Variants in USH1C observed in about 807,000 individuals in gnomAD.
USH1C encodes the protein USH1 protein network component harmonin.
In USH1C, 90 loss-of-function variants were observed where a neutral mutation model predicts 119.3. The observed-to-expected ratio is 0.75, with a 90% confidence interval of 0.64 to 0.90. The LOEUF is 0.90. USH1C is among the 40% of genes least tolerant of loss of function. The pLI is 0.00. For synonymous variants in USH1C, 465 were observed against 443.3 expected, an observed-to-expected ratio of 1.05 and a Z score of -0.62; for missense variants, 1,165 against 1,167.7, an observed-to-expected ratio of 1.00 and a Z score of 0.03.
chr11:17,500,715 G>A (rs186537428), intron 23 of USH1C, among the ~76,000 whole-genome samples: 4 of 152,134 alleles, frequency 2.6e-5, no homozygotes, highest in Non-Finnish European at 5.9e-5. Flanking sequence ...AGGCCCCTCA[G>A]GGTTCCCATG....
At chr11:17,541,898 A>G (rs1851485534) in intron 1 of USH1C, among the ~76,000 whole-genome samples, 1 of 152,186 alleles carries the variant, frequency 6.6e-6, no homozygotes, top group African/African-American at 2.4e-5. Flanking sequence ...CTCATAGCTG[A>G]AGAAACTAAA....
chr11:17,500,258 G>C (rs1849386251), intron 23 of USH1C, among the ~76,000 whole-genome samples: 1 of 152,216 alleles, frequency 6.6e-6, no homozygotes, highest in Non-Finnish European at 1.5e-5. Flanking sequence ...GAAGACCTCA[G>C]ACAGAGGTGG....
chr11:17,494,318 G>A lies in USH1C; in HGVS notation c.*14C>T, dbSNP rs752303024. On this transcript the variant is annotated 3_prime_UTR_variant, in exon 27 of 27. Coordinates refer to ENST00000005226, the MANE Select transcript of USH1C (RefSeq NM_153676.4). ...GCTTTGTGTTCACGAGGTGGGGCCG[G>A]AGCTCACTGTTTCCTAACGGTGAAT... 3.1e-6 allele frequency: 5 copies of A among 1,607,410 alleles called. No homozygotes were observed. The highest frequency in any genetic ancestry group is 4.2e-6 in the Non-Finnish European group (5 of 1,176,816).
chr11:17,543,559 C>T (rs61880352), intron 1 of USH1C, among the ~76,000 whole-genome samples: 1 of 152,200 alleles, frequency 6.6e-6, no homozygotes, highest in East Asian at 1.9e-4. Flanking sequence ...TCGAAATGCC[C>T]TGTGTGAAAC....
intron 1 of USH1C, among the ~76,000 whole-genome samples, chr11:17,539,770 C>CTCTCTG (rs113814329): frequency 0.017 from 2,522 of 151,022 alleles, 76 homozygotes; most frequent in African/African-American, 0.058. Flanking sequence ...GTCTAGGGTT[C>CTCTCTG]TCTCTGTCTC....
intron 20 of USH1C, among the ~76,000 whole-genome samples, chr11:17,503,300 A>T (rs1849518823): frequency 6.6e-6 from 1 of 152,218 alleles, no homozygotes; most frequent in South Asian, 2.1e-4. Flanking sequence ...TTCTCCTGGA[A>T]GGCTGGGCAG....
In USH1C at chr11:17,501,459, C is replaced by T. The variant is rs370092421; in HGVS notation, c.2280+23G>A. The T allele has an allele frequency of 1.6e-4, 261 of 1,610,100 alleles. 2 individuals are homozygous for T. The African/African-American group carries it at 3.1e-3, about 19-fold the overall frequency. On this transcript the variant is annotated intron_variant, in intron 22 of 26. Transcript: ENST00000005226. The stretch of plus-strand genomic sequence containing the variant: ...AGGCACAGAGAGGGATGGCGGCCCA[C>T]CGGCCTCCACATGCCCAGGTACCTT...
At chr11:17,513,220 C>A (rs996460074) in intron 15 of USH1C, among the ~76,000 whole-genome samples, 13 of 152,084 alleles carry the variant, frequency 8.5e-5, no homozygotes, top group Admixed American at 6.5e-5. Context: ...GGAGGGTCAG[C>A]CCCTATCACA....
intron 16 of USH1C, among the ~76,000 whole-genome samples, 171 bp downstream of exon 16, chr11:17,511,731 C>T (rs933198539): frequency 2.8e-4 from 43 of 152,204 alleles, no homozygotes; most frequent in African/African-American, 9.9e-4. Flanking sequence ...CTCAGATGGC[C>T]CTGGGCAGGT....
intron 1 of USH1C, among the ~76,000 whole-genome samples, chr11:17,538,805 C>T (rs899018794): frequency 1.2e-4 from 18 of 152,250 alleles, no homozygotes; most frequent in Admixed American, 8.5e-4. Flanking sequence ...TCCCTGGGGG[C>T]TGGCTGCTGG....
rs142117712 is a variant in USH1C, at chr11:17,525,089, G to A, written c.675-554C>T. 2.9e-3 allele frequency among the ~76,000 whole-genome samples: 436 copies of A among 152,338 alleles called. 1 individual carries two copies. The highest frequency in any genetic ancestry group is 1.0e-2 in the South Asian group (48 of 4,824). On this transcript the variant is annotated intron_variant, in intron 8 of 26. Coordinates refer to ENST00000005226, the MANE Select transcript of USH1C (RefSeq NM_153676.4). ...GACATTTACGGCAAGGATGGTACAT[G>A]TACTGTTAGTATTCCTTCCTAGATT... is the stretch of plus-strand genomic sequence containing the variant.
chr11:17,538,043 G>T (rs75350653), intron 1 of USH1C, among the ~76,000 whole-genome samples: 2 of 152,228 alleles, frequency 1.3e-5, no homozygotes, highest in East Asian at 3.9e-4. Context: ...CACCTACTGT[G>T]GGAAAGACAC....
chr11:17,509,773 G>T lies in USH1C; in HGVS notation c.1596C>A (p.Phe532Leu). Residue 532 changes from phenylalanine to leucine, a missense_variant, in exon 18 of 27, where the codon TTC becomes TTA. Transcript: ENST00000005226. Reference protein sequence around the residue: ...VSPLAPPLRRFAGGLHLHTTD... With the variant: ...VSPLAPPLRRLAGGLHLHTTD... Reference sequence around the variant, plus strand: ...TGGTGTGCAGGTGCAGTCCGCCTGCGAAGCGTCTCAAGGGTGGGGCCAGGG... The same window carrying T: ...TGGTGTGCAGGTGCAGTCCGCCTGCTAAGCGTCTCAAGGGTGGGGCCAGGG... 6.2e-7 allele frequency: 1 copy of T among 1,600,974 alleles called. No homozygotes were observed. Among genetic ancestry groups the T allele is most frequent in the Non-Finnish European group, 8.5e-7 (1 of 1,179,350 alleles).
Position 17,501,930 on chromosome 11 carries a change from A to T in USH1C, c.2226+9T>A, listed in dbSNP as rs529646373. The T allele has an allele frequency of 1.2e-6, 2 of 1,613,480 alleles. No homozygotes were observed. The highest frequency in any genetic ancestry group is 1.7e-6 in the Non-Finnish European group (2 of 1,179,694). ...GTTACTTGTCCAGGAGAGAAGCGTC[A>T]TCTCTTACCATAGAGTAGGGGTCAA... On this transcript the variant is annotated intron_variant, in intron 21 of 26. Coordinates refer to ENST00000005226, the MANE Select transcript of USH1C (RefSeq NM_153676.4).
chr11:17,544,152 C>T, intron 1 of USH1C, 120 bp downstream of exon 1: 1 of 1,381,000 alleles, frequency 7.2e-7, no homozygotes, highest in Non-Finnish European at 1.0e-6. Context: ...GTGTCCCAGC[C>T]CAACCAGAGC....
intron 19 of USH1C, among the ~76,000 whole-genome samples, chr11:17,505,484 C>T (rs937892255): frequency 6.6e-6 from 1 of 152,226 alleles, no homozygotes; most frequent in Non-Finnish European, 1.5e-5. Context: ...GAGTGTTAAA[C>T]AGGATGACCA....
intron 23 of USH1C, among the ~76,000 whole-genome samples, chr11:17,500,005 C>T (rs1849377480): frequency 6.6e-6 from 1 of 152,190 alleles, no homozygotes; most frequent in African/African-American, 2.4e-5. Context: ...CACAAAGGGC[C>T]ACAAAGGACT....
chr11:17,511,604 G>A (rs1849894143), intron 16 of USH1C, among the ~76,000 whole-genome samples: 1 of 152,104 alleles, frequency 6.6e-6, no homozygotes, highest in Admixed American at 6.5e-5. Flanking sequence ...GGTCAGAAAG[G>A]CTAACCTCAG....
At chr11:17,503,574 A>T (rs570791127) in intron 20 of USH1C, among the ~76,000 whole-genome samples, 1 of 152,296 alleles carries the variant, frequency 6.6e-6, no homozygotes, top group East Asian at 1.9e-4. Context: ...TAGACTCTGC[A>T]CTTCCCTGCT....
Sources: allele counts gnomAD v4.1 joint callset (sites outside exome capture counted in the v4.1 genomes callset), GRCh38; gene constraint gnomAD v4.1.1; transcripts MANE v1.5; gene names NCBI Gene and HGNC (gene_info 2026-07-23, HGNC 2026-07-21).